Variants in ENTREP2 observed in about 807,000 individuals in gnomAD.
ENTREP2 encodes the protein endosomal transmembrane epsin interactor 2, also known as protein ENTREP2.
chr15:29,624,983 C>T, the ENTREP2 span, among the ~76,000 whole-genome samples: 1 of 151,778 alleles, frequency 6.6e-6, no homozygotes, highest in Non-Finnish European at 1.5e-5. Context: ...ATTCTATCAT[C>T]TCTGGGGAAC....
the ENTREP2 span, among the ~76,000 whole-genome samples, chr15:29,624,310 A>G: frequency 6.6e-6 from 1 of 151,940 alleles, no homozygotes; most frequent in African/African-American, 2.4e-5. Flanking sequence ...CTGTCTCCCA[A>G]TAACGCGCAC....
the ENTREP2 span, among the ~76,000 whole-genome samples, chr15:29,470,486 C>A: frequency 6.6e-6 from 1 of 152,248 alleles, no homozygotes; most frequent in Non-Finnish European, 1.5e-5. Flanking sequence ...CAATCCAGGG[C>A]AGGCAAATAC....
At chr15:29,545,328 A>G in the ENTREP2 span, among the ~76,000 whole-genome samples, 18 of 152,364 alleles carry the variant, frequency 1.2e-4, no homozygotes, top group South Asian at 2.1e-4. Flanking sequence ...TATGCTGTCA[A>G]TGCTAAGAGG....
At chr15:29,534,858 T>C in the ENTREP2 span, among the ~76,000 whole-genome samples, 1 of 152,204 alleles carries the variant, frequency 6.6e-6, no homozygotes, top group East Asian at 1.9e-4. Context: ...CCAATAAGTA[T>C]CTGTAGACTG....
At chr15:29,157,055 C>T in the ENTREP2 span, among the ~76,000 whole-genome samples, 2 of 152,254 alleles carry the variant, frequency 1.3e-5, no homozygotes, top group Middle Eastern at 6.8e-3. Context: ...CGAGATCATG[C>T]CATTGTATTC....
At chr15:29,353,492 T>C in the ENTREP2 span, among the ~76,000 whole-genome samples, 1 of 152,170 alleles carries the variant, frequency 6.6e-6, no homozygotes, top group Non-Finnish European at 1.5e-5. Context: ...AGCGTATGAA[T>C]CTATGTCTAT....
chr15:29,193,213 A>T, the ENTREP2 span, among the ~76,000 whole-genome samples: 1 of 152,210 alleles, frequency 6.6e-6, no homozygotes, highest in Middle Eastern at 3.4e-3. Flanking sequence ...CTGGCAAAGC[A>T]TTGTTTCTGG....
chr15:29,654,375 G>A, the ENTREP2 span, among the ~76,000 whole-genome samples: 1 of 152,186 alleles, frequency 6.6e-6, no homozygotes, highest in African/African-American at 2.4e-5. Flanking sequence ...TGTTTGTGCG[G>A]TTGGAGAATT....
chr15:29,408,943 CTA>C, the ENTREP2 span, among the ~76,000 whole-genome samples: 1 of 152,154 alleles, frequency 6.6e-6, no homozygotes, highest in Admixed American at 6.6e-5. Flanking sequence ...GGACATTTTT[CTA>C]TATAACCTGT....
At chr15:29,484,893 AG>A in the ENTREP2 span, among the ~76,000 whole-genome samples, 1 of 152,216 alleles carries the variant, frequency 6.6e-6, no homozygotes, top group African/African-American at 2.4e-5. Flanking sequence ...GGGCTACAGC[AG>A]GAAAACGTTA....
At chr15:29,208,061 T>G in the ENTREP2 span, among the ~76,000 whole-genome samples, 1 of 152,140 alleles carries the variant, frequency 6.6e-6, no homozygotes, top group Non-Finnish European at 1.5e-5. Flanking sequence ...CCGGGACTTC[T>G]GAGAACTGAG....
chr15:29,657,259 C>A, the ENTREP2 span, among the ~76,000 whole-genome samples: 2 of 151,536 alleles, frequency 1.3e-5, no homozygotes, highest in South Asian at 4.2e-4. Flanking sequence ...CAGGGTTTCA[C>A]CGTATTAGCC....
chr15:29,670,858 G>A, the ENTREP2 span, among the ~76,000 whole-genome samples: 107 of 152,278 alleles, frequency 7.0e-4, no homozygotes, highest in Middle Eastern at 0.01. Context: ...TGGCACAGAG[G>A]GCCTAAGACC....
the ENTREP2 span, among the ~76,000 whole-genome samples, chr15:29,581,943 T>C: frequency 3.0e-4 from 4 of 13,368 alleles, no homozygotes; most frequent in Non-Finnish European, 8.2e-4. Flanking sequence ...AATATGCTGG[T>C]TTTTTTTTTT....
At chr15:29,262,151 A>G in the ENTREP2 span, among the ~76,000 whole-genome samples, 1 of 151,680 alleles carries the variant, frequency 6.6e-6, no homozygotes, top group Non-Finnish European at 1.5e-5. Context: ...TCTATAAGTA[A>G]AGATGCATGG....
At chr15:29,509,760 G>A in the ENTREP2 span, among the ~76,000 whole-genome samples, 4 of 152,110 alleles carry the variant, frequency 2.6e-5, no homozygotes, top group Admixed American at 1.3e-4. Context: ...ACTCAAGACG[G>A]ATTAAAGATT....
the ENTREP2 span, among the ~76,000 whole-genome samples, chr15:29,400,475 A>G: frequency 5.3e-5 from 8 of 152,206 alleles, no homozygotes; most frequent in Non-Finnish European, 8.8e-5. Flanking sequence ...GTTCCATGCA[A>G]CTCTAATTAA....
the ENTREP2 span, among the ~76,000 whole-genome samples, chr15:29,399,058 G>A: frequency 1.2e-4 from 18 of 152,272 alleles, no homozygotes; most frequent in African/African-American, 4.3e-4. Context: ...TGAAGAAGTG[G>A]GCTGCCATGT....
At chr15:29,588,664 A>G in the ENTREP2 span, among the ~76,000 whole-genome samples, 2 of 152,118 alleles carry the variant, frequency 1.3e-5, no homozygotes, top group Non-Finnish European at 2.9e-5. Flanking sequence ...CCTGTACATT[A>G]AAAGAGACTT....
Sources: gnomAD v4.1 joint callset for allele counts (sites outside exome capture counted in the v4.1 genomes callset) on GRCh38, gnomAD v4.1.1 for gene constraint, MANE v1.5 for transcripts, NCBI Gene and HGNC (gene_info 2026-07-23, HGNC 2026-07-21) for gene names.